The following DPP10 variants were observed in gnomAD, a reference collection of about 807,000 sequenced individuals.
DPP10 encodes dipeptidyl peptidase like 10.
DPP10 carries 33 observed loss-of-function variants against 120.9 expected under a neutral mutation model. That is an observed-to-expected ratio of 0.27 (90% CI 0.21 to 0.37). DPP10 has a LOEUF of 0.37. Among genes scored for constraint, DPP10 ranks in the 10% least tolerant of loss-of-function variants. DPP10 has a pLI of 1.00. For missense variants in DPP10, 816 were observed against 942.8 expected (o/e 0.87, Z 1.76); for synonymous variants, 337 against 326.1 (o/e 1.03, Z -0.36).
intron 1 of DPP10, among the ~76,000 whole-genome samples, chr2:114,638,027 A>G (rs1017055911): frequency 3.3e-5 from 5 of 151,866 alleles, no homozygotes; most frequent in African/African-American, 1.2e-4. Flanking sequence ...GAAAAATCAT[A>G]TTGGTAGTTT....
intron 1 of DPP10, among the ~76,000 whole-genome samples, chr2:114,913,864 G>T (rs1694573876): frequency 6.6e-6 from 1 of 152,086 alleles, no homozygotes. Context: ...CGATGAAATA[G>T]CCATTTTAAG....
chr2:115,312,989 C>T (rs908317486), intron 2 of DPP10, among the ~76,000 whole-genome samples: 3 of 151,986 alleles, frequency 2.0e-5, no homozygotes, highest in South Asian at 2.1e-4. Context: ...TTTGGGAGGC[C>T]GAGGTGGGAG....
intron 2 of DPP10, among the ~76,000 whole-genome samples, chr2:115,327,790 T>C (rs1270304675): frequency 3.3e-5 from 5 of 152,036 alleles, no homozygotes; most frequent in African/African-American, 4.8e-5. Context: ...CAAGATGTAG[T>C]ACAATTAATA....
chr2:114,612,665 A>G lies in DPP10; in HGVS notation c.60+169827A>G, dbSNP rs146459199. Among the ~76,000 whole-genome samples, 458 of 152,300 alleles carry G rather than the reference A, an allele frequency of 3.0e-3. 3 individuals carry two copies. Among genetic ancestry groups the G allele is most frequent in the African/African-American group, 0.01 (432 of 41,576 alleles). On this transcript the variant is annotated intron_variant, in intron 1 of 25. Coordinates refer to ENST00000410059, the MANE Select transcript of DPP10 (RefSeq NM_020868.6). ...CTTATTACCTAATATTAGAAATAAA[A>G]TAAATCACCGAAAAACTTGAAGCAA...
intron 12 of DPP10, among the ~76,000 whole-genome samples, chr2:115,764,230 G>T (rs1398347246): frequency 6.6e-6 from 1 of 151,848 alleles, no homozygotes; most frequent in Admixed American, 6.6e-5. Context: ...CAATATGTAA[G>T]AAGAGCTTAA....
chr2:114,466,499 G>C (rs1057507681), intron 1 of DPP10, among the ~76,000 whole-genome samples: 2 of 152,080 alleles, frequency 1.3e-5, no homozygotes, highest in Non-Finnish European at 2.9e-5. Context: ...CTCTGTTTCC[G>C]GGATTTGAAT....
intron 3 of DPP10, among the ~76,000 whole-genome samples, chr2:115,390,526 A>G (rs1216799272): frequency 2.0e-5 from 3 of 151,988 alleles, no homozygotes; most frequent in Non-Finnish European, 4.4e-5. Context: ...GCTCCACTTG[A>G]TGTAAACAGG....
intron 1 of DPP10, among the ~76,000 whole-genome samples, chr2:114,530,310 A>C (rs1175910980): frequency 1.3e-5 from 2 of 152,138 alleles, no homozygotes; most frequent in Non-Finnish European, 1.5e-5. Context: ...TCATTTTATA[A>C]TAGTTATTGG....
chr2:115,071,866 A>T (rs1707395729), intron 1 of DPP10, among the ~76,000 whole-genome samples: 1 of 151,126 alleles, frequency 6.6e-6, no homozygotes, highest in African/African-American at 2.4e-5. Flanking sequence ...AGTTTCCATT[A>T]TTTTTTTTTC....
chr2:115,249,673 C>T (rs2058674704), intron 1 of DPP10, among the ~76,000 whole-genome samples: 1 of 151,920 alleles, frequency 6.6e-6, no homozygotes, highest in African/African-American at 2.4e-5. Context: ...ACTTTTTTTC[C>T]CCTTTCAACA....
At chr2:115,498,786 G>T (rs17044462) in intron 3 of DPP10, among the ~76,000 whole-genome samples, 31,850 of 150,256 alleles carry the variant, frequency 0.21, 3,884 homozygotes, top group East Asian at 0.39. Context: ...GTAATTTCAG[G>T]CAGAGATATT....
intron 3 of DPP10, among the ~76,000 whole-genome samples, chr2:115,489,271 G>A (rs2075961495): frequency 6.6e-6 from 1 of 151,488 alleles, no homozygotes; most frequent in African/African-American, 2.4e-5. Flanking sequence ...AGCCAGATTA[G>A]CCCAATGCTG....
intron 1 of DPP10, among the ~76,000 whole-genome samples, chr2:114,850,004 C>CTCCCT (rs1185952330): frequency 4.8e-4 from 72 of 148,838 alleles, no homozygotes; most frequent in Non-Finnish European, 8.5e-4. Context: ...ATCCCCTCCC[C>CTCCCT]TCCCTTCCCT....
At chr2:115,726,026 A>G (rs2092758625) in intron 7 of DPP10, among the ~76,000 whole-genome samples, 1 of 152,174 alleles carries the variant, frequency 6.6e-6, no homozygotes, top group Non-Finnish European at 1.5e-5. Flanking sequence ...TGTGATCCAC[A>G]TAATTTTAGT....
intron 3 of DPP10, among the ~76,000 whole-genome samples, chr2:115,363,702 A>G (rs1056168666): frequency 6.6e-6 from 1 of 152,168 alleles, no homozygotes; most frequent in African/African-American, 2.4e-5. Context: ...CACTTAAAAC[A>G]TTCTTGACTC....
At chr2:115,433,991 TA>T (rs1391048611) in intron 3 of DPP10, among the ~76,000 whole-genome samples, 2 of 152,014 alleles carry the variant, frequency 1.3e-5, no homozygotes, top group Non-Finnish European at 2.9e-5. Flanking sequence ...ATAACTTCTG[TA>T]CACTGTGGAT....
intron 7 of DPP10, among the ~76,000 whole-genome samples, chr2:115,694,289 T>G (rs1297186922): frequency 1.3e-5 from 2 of 152,270 alleles, no homozygotes; most frequent in East Asian, 3.9e-4. Context: ...TTGCATTAAA[T>G]AAAGAGGCTT....
intron 1 of DPP10, among the ~76,000 whole-genome samples, chr2:114,594,541 A>C (rs941748131): frequency 5.6e-5 from 8 of 142,534 alleles, no homozygotes; most frequent in Non-Finnish European, 1.6e-5. Flanking sequence ...GGAAGTATAT[A>C]TTATATATAC....
intron 1 of DPP10, among the ~76,000 whole-genome samples, chr2:115,200,258 A>C (rs1005545330): frequency 6.6e-6 from 1 of 152,200 alleles, no homozygotes; most frequent in African/African-American, 2.4e-5. Flanking sequence ...GAATGAAAGC[A>C]TTGAGAGAGA....
Sources: allele counts gnomAD v4.1 joint callset (sites outside exome capture counted in the v4.1 genomes callset), GRCh38; gene constraint gnomAD v4.1.1; transcripts MANE v1.5; gene names NCBI Gene and HGNC (gene_info 2026-07-23, HGNC 2026-07-21).